The following INF2 variants were observed in gnomAD, a reference collection of about 807,000 sequenced individuals.
INF2 encodes the protein inverted formin 2.
INF2 carries 43 observed loss-of-function variants against 123.5 expected under a neutral mutation model. The ratio of observed to expected loss-of-function variants is 0.35; its 90% CI spans 0.27 to 0.45. INF2 has a LOEUF of 0.45. Ranked by LOEUF, INF2 falls within the 20% of genes least tolerant of loss-of-function variation. The probability of loss-of-function intolerance (pLI) is 1.00; values close to 1 mark genes in which losing one functional copy is unlikely to be tolerated. For synonymous variants in INF2, 851 were observed against 745.0 expected, an observed-to-expected ratio of 1.14 and a Z score of -2.32; for missense variants, 1,453 against 1,682.7, an observed-to-expected ratio of 0.86 and a Z score of 2.39.
At chr14:104,681,263 G>A (rs1292454036) in exon 1 of INF2, 1 of 360,570 alleles carries the variant, frequency 2.8e-6, no homozygotes, top group Non-Finnish European at 5.5e-6. Context: ...CACTGTAATA[G>A]GGGCCTCATC....
At chr14:104,685,612 G>C (rs1178238986), upstream of INF2, among the ~76,000 whole-genome samples, 1 of 139,130 alleles carries the variant, frequency 7.2e-6, no homozygotes, top group Non-Finnish European at 1.6e-5. Flanking sequence ...GGGTGGATGG[G>C]TGGATGAATG....
Position 104,703,103 on chromosome 14 carries a change from A to C in INF2, c.392-2A>C. 6.2e-7 allele frequency: 1 copy of C among 1,612,316 alleles called. No homozygotes were observed. The highest frequency in any genetic ancestry group is 8.5e-7 in the Non-Finnish European group (1 of 1,178,918). ...CTGAGCCTGCCCACTCCACCCTGGC[A>C]GCCCTGGACACATCCAACGTGATGG... On this transcript the variant is annotated splice_acceptor_variant, in intron 2 of 22. Coordinates refer to ENST00000392634, the MANE Select transcript of INF2 (RefSeq NM_022489.4). LOFTEE classifies it high-confidence loss of function.
intron 13 of INF2, 101 bp downstream of exon 13, chr14:104,710,289 C>G: frequency 1.2e-6 from 1 of 807,084 alleles, no homozygotes; most frequent in Non-Finnish European, 2.0e-6. Flanking sequence ...ATCATAATGG[C>G]TGCTAAGAGC....
intron 1 of INF2, among the ~76,000 whole-genome samples, chr14:104,695,531 G>C (rs369270252): frequency 2.4e-4 from 36 of 147,540 alleles, no homozygotes; most frequent in African/African-American, 8.8e-4. Flanking sequence ...GCTTCCTGGC[G>C]TGGGGCCTCC....
chr14:104,708,653 G>A lies in INF2; in HGVS notation c.1888-18G>A. 3 of 1,612,870 alleles carry A rather than the reference G, an allele frequency of 1.9e-6. No homozygotes were observed. The highest frequency in any genetic ancestry group is 1.7e-6 in the Non-Finnish European group (2 of 1,179,840). The stretch of plus-strand genomic sequence containing the variant: ...GGCCACCCTCCGGTACCAGCCTGTT[G>A]GGTGGGGGGTTTTCTAGATCACTTT... On this transcript the variant is annotated intron_variant, in intron 9 of 22. Coordinates refer to ENST00000392634, the MANE Select transcript of INF2 (RefSeq NM_022489.4).
intron 1 of INF2, among the ~76,000 whole-genome samples, chr14:104,683,526 C>CGCAGGGGAG (rs1888581764): frequency 6.6e-6 from 1 of 151,958 alleles, no homozygotes; most frequent in African/African-American, 2.4e-5. Flanking sequence ...GGAGAAGGCC[C>CGCAGGGGAG]GCAGGGGAGG....
At chr14:104,687,466 A>T (rs993279793), upstream of INF2, among the ~76,000 whole-genome samples, 2 of 144,936 alleles carry the variant, frequency 1.4e-5, no homozygotes, top group Non-Finnish European at 3.1e-5. This position sits in a 1 kb window ranked among gnomAD's most constrained non-coding sequence, Gnocchi z 5.6. Flanking sequence ...CACTCCACAC[A>T]CACACACACA....
upstream of INF2, among the ~76,000 whole-genome samples, chr14:104,686,852 A>G (rs922332787): frequency 3.7e-4 from 57 of 152,200 alleles, no homozygotes; most frequent in Admixed American, 3.3e-3. Context: ...TGTTTCTAGC[A>G]GAACTCAAGC....
rs556561105 is a variant in INF2, at chr14:104,699,852, G to A, written c.-9-1505G>A. ...GTCTGCTGGTGAGGGCCCGGGCTGG[G>A]GACATGCAGATCAGAACCCTGGCTT... is the stretch of plus-strand genomic sequence containing the variant. On this transcript the variant is annotated intron_variant, in intron 1 of 22. Transcript: ENST00000392634. The surrounding 1 kb of genome is among the most constrained non-coding windows in gnomAD (Gnocchi z 4.7). 6.6e-6 allele frequency among the ~76,000 whole-genome samples: 1 copy of A among 152,286 alleles called. No individual in the cohort carries two copies. Among genetic ancestry groups the A allele is most frequent in the South Asian group, 2.1e-4 (1 of 4,824 alleles).
At chr14:104,705,867 G>C (rs183712854) in intron 5 of INF2, among the ~76,000 whole-genome samples, 168 bp from the exon 6 acceptor site, 1 of 152,208 alleles carries the variant, frequency 6.6e-6, no homozygotes. Flanking sequence ...CTCTTAGGTC[G>C]CTATCCCTGG....
intron 22 of INF2, among the ~76,000 whole-genome samples, chr14:104,715,546 G>C (rs1383848642): frequency 6.6e-6 from 1 of 152,176 alleles, no homozygotes; most frequent in South Asian, 2.1e-4. Context: ...TGCTCAACTG[G>C]TGCCTCCTGC....
At chr14:104,716,229 G>A (rs770940819) in intron 22 of INF2, among the ~76,000 whole-genome samples, 61 of 152,352 alleles carry the variant, frequency 4.0e-4, no homozygotes, top group South Asian at 6.2e-4. Flanking sequence ...CGCTGGGCCT[G>A]GGGCTTAGGC....
In INF2 at chr14:104,715,591, T is replaced by C; in HGVS notation, c.*1+251T>C. 4 of 605,254 alleles carry C rather than the reference T, an allele frequency of 6.6e-6. No individual in the cohort carries two copies. In the South Asian group the frequency reaches 7.7e-5, roughly 12 times the overall value. The allele number at this position is 605,254 out of a possible 1,614,324, so 37.5% of individuals were successfully genotyped here. On this transcript the variant is annotated intron_variant, in intron 22 of 22. Coordinates refer to ENST00000392634, the MANE Select transcript of INF2 (RefSeq NM_022489.4). Reference sequence around the variant, plus strand: ...GCAACCTCAGTGCTGGCCCCGGGCATGCGGGCCTCGAGAGGGCAGGTGGCA... The same window carrying C: ...GCAACCTCAGTGCTGGCCCCGGGCACGCGGGCCTCGAGAGGGCAGGTGGCA...
At chr14:104,711,786 C>T in intron 16 of INF2, 87 bp downstream of exon 16, 1 of 1,269,036 alleles carries the variant, frequency 7.9e-7, no homozygotes, top group Non-Finnish European at 1.1e-6. Context: ...CCCGCCAGGG[C>T]TGGGTCTCAC....
chr14:104,704,512 A>C (rs1024385090), intron 5 of INF2: 1 of 183,530 alleles, frequency 5.4e-6, no homozygotes, highest in African/African-American at 2.3e-5. Flanking sequence ...GCTGCACCTC[A>C]TGTCAGATCA....
In INF2 at chr14:104,714,625, G is replaced by A. The variant is rs764579106; in HGVS notation, c.3463G>A (p.Ala1155Thr). ...ADSTSEGLEDAVHSRGARPPA... is the reference protein window; with the variant it reads ...ADSTSEGLEDTVHSRGARPPA... ...CAGCACAAGTGAGGGGCTGGAGGAC[G>A]CTGTCCACAGCCGTGGTGCCAGACC... The change falls in exon 21 of 23, where the codon GCT becomes ACT. Residue 1155 changes from alanine (A) to threonine (T), a missense_variant. This residue lies in a region of INF2 where 344 missense variants were observed against 333.1 expected (regional missense o/e 1.03). Coordinates refer to ENST00000392634, the MANE Select transcript of INF2 (RefSeq NM_022489.4). 1.4e-5 allele frequency: 22 copies of A among 1,611,994 alleles called. No individual in the cohort carries two copies. Among genetic ancestry groups the A allele is most frequent in the East Asian group, 2.2e-5 (1 of 44,870 alleles).
At position 104,702,512 on chromosome 14, in the gene INF2, T is replaced by G. The variant is rs4074532; in HGVS notation, c.392-593T>G. Among the ~76,000 whole-genome samples the G allele has an allele frequency of 2.5e-3, 384 of 151,646 alleles. 1 individual carries two copies. The highest frequency in any genetic ancestry group is 7.3e-3 in the Admixed American group (112 of 15,280). ...GCTGCTGCCAGGTCCTACCGATGCT[T>G]GGGGACGAGCTAGGGTGGGCAGTGA... On this transcript the variant is annotated intron_variant, in intron 2 of 22. Transcript: ENST00000392634.
chr14:104,711,481 G>A (rs1046373567), intron 15 of INF2, 148 bp from the exon 16 acceptor site: 22 of 762,694 alleles, frequency 2.9e-5, no homozygotes, highest in Admixed American at 1.0e-4. Context: ...GTCATAGCCA[G>A]GCCCAAGGGA....
Position 104,712,086 on chromosome 14 carries a change from GC to G in INF2, c.2490-346del, listed in dbSNP as rs536964624. ...TCACCTCCTGGGTCACACAACCCAG[GC>G]AGGAGGGCAGCCTGGGCCACCCCAC... On this transcript the variant is annotated intron_variant, in intron 16 of 22. Coordinates refer to ENST00000392634, the MANE Select transcript of INF2 (RefSeq NM_022489.4). 2.0e-3 allele frequency among the ~76,000 whole-genome samples: 307 copies of G among 152,242 alleles called. 3 individuals carry two copies. The highest frequency in any genetic ancestry group is 6.4e-3 in the African/African-American group (267 of 41,562).
Sources: allele counts gnomAD v4.1 joint callset (sites outside exome capture counted in the v4.1 genomes callset), GRCh38; gene constraint gnomAD v4.1.1; regional missense constraint gnomAD v4.1.1; non-coding constraint Gnocchi (gnomAD v3.1); transcripts MANE v1.5; gene names NCBI Gene and HGNC (gene_info 2026-07-23, HGNC 2026-07-21).